Variants in PTPRC observed in about 807,000 individuals in gnomAD.
PTPRC encodes protein tyrosine phosphatase receptor type C, also known as receptor-type tyrosine-protein phosphatase C.
PTPRC carries 44 observed loss-of-function variants against 155.9 expected under a neutral mutation model. That is an observed-to-expected ratio of 0.28 (90% CI 0.22 to 0.36). The LOEUF (loss-of-function observed/expected upper bound fraction) is 0.36. Among genes scored for constraint, PTPRC ranks in the 10% least tolerant of loss-of-function variants. PTPRC has a pLI of 1.00. For synonymous variants in PTPRC, 525 were observed against 533.1 expected, an observed-to-expected ratio of 0.98 and a Z score of 0.21; for missense variants, 1,401 against 1,564.6, an observed-to-expected ratio of 0.90 and a Z score of 1.76.
intron 26 of PTPRC, among the ~76,000 whole-genome samples, chr1:198,746,007 A>C (rs1655119578): frequency 6.6e-6 from 1 of 151,836 alleles, no homozygotes; most frequent in South Asian, 2.1e-4. Flanking sequence ...GAAACCTACA[A>C]AGGTGGAATG....
At chr1:198,713,536 G>T (rs965846937) in intron 12 of PTPRC, among the ~76,000 whole-genome samples, 3 of 152,014 alleles carry the variant, frequency 2.0e-5, no homozygotes, top group African/African-American at 7.2e-5. Flanking sequence ...GGCCAGTTTG[G>T]TGTAATCTTG....
chr1:198,741,158 T>G (rs1157248976), intron 23 of PTPRC, among the ~76,000 whole-genome samples: 1 of 151,890 alleles, frequency 6.6e-6, no homozygotes, highest in Non-Finnish European at 1.5e-5. Flanking sequence ...TTTACTGGTG[T>G]TAATTAACTC....
intron 28 of PTPRC, among the ~76,000 whole-genome samples, chr1:198,749,839 A>G (rs777284601): frequency 4.6e-5 from 7 of 151,890 alleles, no homozygotes; most frequent in Non-Finnish European, 7.4e-5. Flanking sequence ...TTGAGCAAAT[A>G]CAAGTATTTG....
At chr1:198,731,563 A>C in intron 17 of PTPRC, 54 bp from the exon 18 acceptor site, 1 of 1,317,218 alleles carries the variant, frequency 7.6e-7, no homozygotes, top group Non-Finnish European at 1.1e-6. Context: ...TGAAATGTGT[A>C]TGCCCACCTG....
At chr1:198,723,442 C>T (rs957103610) in intron 15 of PTPRC, among the ~76,000 whole-genome samples, 4 of 152,048 alleles carry the variant, frequency 2.6e-5, no homozygotes, top group Non-Finnish European at 5.9e-5. Flanking sequence ...TTACTAAGCC[C>T]TCTGCAAAGT....
Position 198,749,473 on chromosome 1 carries a change from A to G in PTPRC, c.2996A>G (p.His999Arg). ...CTGGAAATGAGTAAAGAGAGTGAGCATGATTCAGATGAATCCTCTGATGAT... is the reference window on the plus strand; with the variant it reads ...CTGGAAATGAGTAAAGAGAGTGAGCGTGATTCAGATGAATCCTCTGATGAT... ...HELEMSKESEHDSDESSDDDS... is the reference protein window; with the variant it reads ...HELEMSKESERDSDESSDDDS... Residue 999 changes from histidine (H) to arginine (R), a missense_variant, in exon 28 of 33, where the codon CAT becomes CGT. Around this residue, in one of 3 missense-constraint regions of PTPRC, gnomAD observed 400 missense variants for 389.5 expected, o/e 1.03. Transcript: ENST00000442510. 6.2e-7 allele frequency: 1 copy of G among 1,609,406 alleles called. No homozygotes were observed. Among genetic ancestry groups the G allele is most frequent in the Non-Finnish European group, 8.5e-7 (1 of 1,176,670 alleles).
At chr1:198,659,228 T>G (rs1663792117) in intron 2 of PTPRC, among the ~76,000 whole-genome samples, 1 of 152,228 alleles carries the variant, frequency 6.6e-6, no homozygotes, top group Non-Finnish European at 1.5e-5. Flanking sequence ...GATTTCTGCC[T>G]TGTTCTCTTG....
At chr1:198,749,194 TTA>T (rs1453102096) in intron 27 of PTPRC, among the ~76,000 whole-genome samples, 1 of 151,792 alleles carries the variant, frequency 6.6e-6, no homozygotes, top group African/African-American at 2.4e-5. Flanking sequence ...TGACATGGAA[TTA>T]TGTTCCATGT....
Position 198,706,554 on chromosome 1 carries a change from T to C in PTPRC, c.686-180T>C, listed in dbSNP as rs16843746. 0.052 allele frequency among the ~76,000 whole-genome samples: 7,902 copies of C among 152,300 alleles called. 259 individuals are homozygous for C. The highest frequency in any genetic ancestry group is 0.14 in the East Asian group (744 of 5,190). ...AATATAAATTTACAAGCTGAGGTCCTTGTTAGGGCAGTAAAGCACAGATAA... is the reference window on the plus strand; with the variant it reads ...AATATAAATTTACAAGCTGAGGTCCCTGTTAGGGCAGTAAAGCACAGATAA... On this transcript the variant is annotated intron_variant, in intron 8 of 32. Transcript: ENST00000442510.
chr1:198,650,424 G>A (rs1191614949), intron 2 of PTPRC, among the ~76,000 whole-genome samples: 3 of 151,966 alleles, frequency 2.0e-5, no homozygotes, highest in Admixed American at 6.6e-5. Flanking sequence ...AGTGTTGGCA[G>A]TGCAGGTGGA....
chr1:198,741,349 G>T (rs1654889661), intron 23 of PTPRC, among the ~76,000 whole-genome samples: 1 of 151,794 alleles, frequency 6.6e-6, no homozygotes, highest in Admixed American at 6.6e-5. Context: ...CCATGTGAAG[G>T]CCTAAGGAAT....
In PTPRC at chr1:198,756,620, T is replaced by G. The variant is rs747070438; in HGVS notation, c.*439T>G. The G allele has an allele frequency of 5.7e-6, 1 of 176,780 alleles. No individual in the cohort carries two copies. Among genetic ancestry groups the G allele is most frequent in the Non-Finnish European group, 1.2e-5 (1 of 82,856 alleles). The allele number at this position is 176,780 out of a possible 1,614,324, so 11.0% of individuals were successfully genotyped here. A position where few individuals can be genotyped will look rare whatever the true frequency, so the allele number is the denominator to read the frequency against. ...TAAAAATCATAAACTGTGTGCAGAC[T>G]CAATAAAATCATGTACATTTCTGAA... On this transcript the variant is annotated 3_prime_UTR_variant, in exon 33 of 33. Transcript: ENST00000442510.
intron 2 of PTPRC, among the ~76,000 whole-genome samples, chr1:198,652,562 A>G (rs1040826620): frequency 8.2e-5 from 11 of 133,578 alleles, no homozygotes; most frequent in Non-Finnish European, 1.5e-4. Flanking sequence ...GTAAACAAAT[A>G]TTACCCTTTT....
At chr1:198,706,253 T>C (rs1485284526) in intron 8 of PTPRC, among the ~76,000 whole-genome samples, 3 of 152,370 alleles carry the variant, frequency 2.0e-5, no homozygotes, top group South Asian at 2.1e-4. Context: ...GAATGAGGGC[T>C]TCTGATCCCT....
At chr1:198,727,046 A>T (rs1202052211) in intron 15 of PTPRC, among the ~76,000 whole-genome samples, 1 of 151,842 alleles carries the variant, frequency 6.6e-6, no homozygotes, top group Non-Finnish European at 1.5e-5. Flanking sequence ...TATTTAGTAG[A>T]GATGAGGTTT....
At chr1:198,707,429 GC>G (rs201734873) in intron 9 of PTPRC, among the ~76,000 whole-genome samples, 7,916 of 152,246 alleles carry the variant, frequency 0.052, 313 homozygotes, top group Middle Eastern at 0.12. Context: ...GGTTTTGTCA[GC>G]TAAGCTACTG....
intron 2 of PTPRC, among the ~76,000 whole-genome samples, chr1:198,646,951 A>C (rs1017193358): frequency 5.9e-5 from 9 of 151,868 alleles, no homozygotes; most frequent in South Asian, 2.1e-4. Flanking sequence ...CATTGCACAC[A>C]CATATGTAAT....
intron 2 of PTPRC, among the ~76,000 whole-genome samples, chr1:198,663,641 G>A (rs1317813252): frequency 6.6e-6 from 1 of 152,128 alleles, no homozygotes; most frequent in African/African-American, 2.4e-5. Flanking sequence ...GTTTTGTGAT[G>A]GTTAAGATTG....
intron 21 of PTPRC, 44 bp from the exon 22 acceptor site, chr1:198,734,284 T>C (rs1333902764): frequency 1.9e-6 from 3 of 1,608,990 alleles, no homozygotes; most frequent in East Asian, 2.2e-5. Flanking sequence ...TATAGCACTT[T>C]TAAGAAAATT....
Sources: gnomAD v4.1 joint callset for allele counts (sites outside exome capture counted in the v4.1 genomes callset) on GRCh38, gnomAD v4.1.1 for gene constraint, gnomAD v4.1.1 regional missense constraint, MANE v1.5 for transcripts, NCBI Gene and HGNC (gene_info 2026-07-23, HGNC 2026-07-21) for gene names.